Variants in ARFGEF3 observed in about 807,000 individuals in gnomAD.
The protein encoded by ARFGEF3 is brefeldin A-inhibited guanine nucleotide-exchange protein 3.
Under a neutral mutation model 221.7 loss-of-function variants are expected in ARFGEF3, and 96 were observed. The observed-to-expected ratio is 0.43, with a 90% CI of 0.37 to 0.51. The LOEUF (loss-of-function observed/expected upper bound fraction) is 0.51, where lower values mean the gene tolerates loss of function less well. ARFGEF3 is among the 20% of genes least tolerant of loss of function. The probability of loss-of-function intolerance (pLI) is 0.00; values close to 1 mark genes in which losing one functional copy is unlikely to be tolerated. For synonymous variants in ARFGEF3, 1,145 were observed against 1,126.8 expected (o/e 1.02, Z -0.32); for missense variants, 2,410 against 2,789.9 (o/e 0.86, Z 3.07).
At chr6:138,249,362 C>G (rs1253704617) in intron 8 of ARFGEF3, among the ~76,000 whole-genome samples, 2 of 152,180 alleles carry the variant, frequency 1.3e-5, no homozygotes, top group Non-Finnish European at 2.9e-5. Context: ...GACAGTCTCA[C>G]TCTGTCGCCC....
intron 2 of ARFGEF3, among the ~76,000 whole-genome samples, chr6:138,183,276 CACG>C (rs767358955): frequency 1.3e-5 from 2 of 152,162 alleles, no homozygotes; most frequent in Admixed American, 6.5e-5. Context: ...AGGCCAGCAA[CACG>C]ACCTTTGCTG....
chr6:138,263,300 CAG>C lies in ARFGEF3; in HGVS notation c.1820_1821del (p.Glu607ValfsTer2), dbSNP rs772293597. On this transcript the variant is annotated frameshift_variant, in exon 12 of 34. Coordinates refer to ENST00000251691, the MANE Select transcript of ARFGEF3 (RefSeq NM_020340.5). LOFTEE classifies it high-confidence loss of function. ...GTTGATGACCAAGACCTTTCTAGGACAGAGTTTGATTCCTGTGATCAGTACTC... is the reference window on the plus strand; with the variant it reads ...GTTGATGACCAAGACCTTTCTAGGACAGTTTGATTCCTGTGATCAGTACTC... The C allele has an allele frequency of 6.2e-7, 1 of 1,613,982 alleles. No homozygotes were observed.
At chr6:138,237,683 C>T (rs1245615460) in intron 5 of ARFGEF3, among the ~76,000 whole-genome samples, 1 of 152,062 alleles carries the variant, frequency 6.6e-6, no homozygotes, top group African/African-American at 2.4e-5. Flanking sequence ...CATTGTTATT[C>T]CTGGGGTTCC....
At position 138,317,483 on chromosome 6, in the gene ARFGEF3, T is replaced by G. The variant is rs1779947183; in HGVS notation, c.4474+104T>G. 2.0e-5 allele frequency: 28 copies of G among 1,402,796 alleles called. No homozygotes were observed. The South Asian group carries it at 3.3e-4, about 17-fold the overall frequency. 86.9% of individuals were successfully genotyped at this position (1,402,796 alleles called of 1,614,324 possible). On this transcript the variant is annotated intron_variant, in intron 27 of 33. Transcript: ENST00000251691. ...TGCCTGTTTTCACTGTTTCCTAGAC[T>G]TAGTACAAAGCTCACACGTAAGAGG...
In ARFGEF3 at chr6:138,336,985, A is replaced by G. The variant is rs1316449264; in HGVS notation, c.*499A>G. On this transcript the variant is annotated 3_prime_UTR_variant, in exon 34 of 34. Transcript: ENST00000251691. ...GGTTATGGGTCTGGCTGGGAAGAAG[A>G]CAACTATAAATACATATTCTTGGGT... 1 of 152,688 alleles carries G rather than the reference A, an allele frequency of 6.5e-6. No homozygotes were observed. The highest frequency in any genetic ancestry group is 2.4e-5 in the African/African-American group (1 of 41,452). 9.5% of individuals were successfully genotyped at this position (152,688 alleles called of 1,614,324 possible).
intron 17 of ARFGEF3, among the ~76,000 whole-genome samples, chr6:138,288,650 A>C (rs1436775315): frequency 6.6e-6 from 1 of 152,262 alleles, no homozygotes; most frequent in African/African-American, 2.4e-5. Context: ...AAGCCACTGC[A>C]CTCCAGCCTG....
At chr6:138,254,078 C>T in intron 9 of ARFGEF3, 94 bp downstream of exon 9, 2 of 735,022 alleles carry the variant, frequency 2.7e-6, no homozygotes, top group Non-Finnish European at 4.3e-6. Flanking sequence ...GTCCATGACC[C>T]ACCAGTAGTA....
intron 2 of ARFGEF3, among the ~76,000 whole-genome samples, chr6:138,179,153 T>C (rs1777014616): frequency 6.6e-6 from 1 of 152,268 alleles, no homozygotes; most frequent in South Asian, 2.1e-4. Context: ...TCTAAAGGAC[T>C]GAAGAACCTC....
At chr6:138,239,911 A>G (rs1778362376) in intron 6 of ARFGEF3, among the ~76,000 whole-genome samples, 1 of 152,206 alleles carries the variant, frequency 6.6e-6, no homozygotes, top group Non-Finnish European at 1.5e-5. Flanking sequence ...GAATGAGCTT[A>G]TCAATGAAGG....
intron 29 of ARFGEF3, among the ~76,000 whole-genome samples, chr6:138,321,815 A>G (rs528224024): frequency 2.0e-5 from 3 of 152,344 alleles, no homozygotes; most frequent in African/African-American, 4.8e-5. Flanking sequence ...AAGCAACCTA[A>G]TAAGTATCAG....
At chr6:138,179,678 A>G (rs1405348706) in intron 2 of ARFGEF3, among the ~76,000 whole-genome samples, 2 of 152,238 alleles carry the variant, frequency 1.3e-5, no homozygotes, top group Non-Finnish European at 2.9e-5. Flanking sequence ...AGAACCATCC[A>G]TAACAGCTTC....
At chr6:138,333,535 G>A (rs1465319064) in intron 32 of ARFGEF3, among the ~76,000 whole-genome samples, 3 of 152,042 alleles carry the variant, frequency 2.0e-5, no homozygotes, top group Admixed American at 6.6e-5. Flanking sequence ...TCCACCTCCC[G>A]GGTTCATGCC....
intron 23 of ARFGEF3, 84 bp from the exon 24 acceptor site, chr6:138,308,655 G>A: frequency 7.0e-7 from 1 of 1,430,228 alleles, no homozygotes; most frequent in Non-Finnish European, 9.8e-7. Flanking sequence ...TGTCTCAGTG[G>A]AACGTGCTGG....
intron 2 of ARFGEF3, among the ~76,000 whole-genome samples, chr6:138,180,181 A>G (rs1253582913): frequency 2.6e-5 from 4 of 152,204 alleles, no homozygotes; most frequent in African/African-American, 9.6e-5. Flanking sequence ...GTATGATTTA[A>G]CATGATGAGG....
rs73774689 is a variant in ARFGEF3, at chr6:138,219,251, A to G, written c.351+9210A>G. Among the ~76,000 whole-genome samples, 1,220 of 152,258 alleles carry G rather than the reference A, an allele frequency of 8.0e-3. 13 individuals are homozygous for G. The highest frequency in any genetic ancestry group is 0.026 in the African/African-American group (1,084 of 41,540). On this transcript the variant is annotated intron_variant, in intron 4 of 33. Coordinates refer to ENST00000251691, the MANE Select transcript of ARFGEF3 (RefSeq NM_020340.5). ...AGATAATTATGTTGGGAGAGAGGGCATTCTTGGTAGAGAAAAAAAGTCCTG... is the reference window on the plus strand; with the variant it reads ...AGATAATTATGTTGGGAGAGAGGGCGTTCTTGGTAGAGAAAAAAAGTCCTG...
intron 14 of ARFGEF3, among the ~76,000 whole-genome samples, chr6:138,285,230 G>A (rs1195917738): frequency 2.6e-5 from 4 of 150,958 alleles, no homozygotes; most frequent in Non-Finnish European, 1.5e-5. Context: ...TTGGGAGGCC[G>A]AGGCAGGCAG....
chr6:138,262,649 A>AT, intron 11 of ARFGEF3, 52 bp from the exon 12 acceptor site: 2 of 1,513,738 alleles, frequency 1.3e-6, no homozygotes, highest in Admixed American at 1.9e-5. Context: ...TTTCAGAGAT[A>AT]TTTTCTACAT....
intron 5 of ARFGEF3, 30 bp from the exon 6 acceptor site, chr6:138,238,479 A>G (rs1778335196): frequency 6.2e-7 from 1 of 1,606,274 alleles, no homozygotes; most frequent in Non-Finnish European, 8.5e-7. Context: ...ACCTGCAGAC[A>G]TGTGTGTTGC....
intron 2 of ARFGEF3, among the ~76,000 whole-genome samples, chr6:138,202,051 G>A (rs554366976): frequency 7.2e-4 from 109 of 152,276 alleles, no homozygotes; most frequent in African/African-American, 2.6e-3. Flanking sequence ...TCATGCATAT[G>A]CAGCACTGCT....
Sources: allele counts gnomAD v4.1 joint callset (sites outside exome capture counted in the v4.1 genomes callset), GRCh38; gene constraint gnomAD v4.1.1; transcripts MANE v1.5; gene names NCBI Gene and HGNC (gene_info 2026-07-23, HGNC 2026-07-21).